Variants in DOP1A observed in about 807,000 individuals in gnomAD.
DOP1A encodes the protein protein DOP1A.
A neutral mutation model predicts 267.6 loss-of-function variants in DOP1A; 90 were observed. The observed-to-expected ratio is 0.34, with a 90% CI of 0.28 to 0.40. The LOEUF is 0.40. DOP1A is among the 10% of genes least tolerant of loss of function. The pLI, the probability that DOP1A is intolerant of heterozygous loss-of-function variation, is 1.00. For missense variants in DOP1A, 2,437 were observed against 2,900.4 expected, an observed-to-expected ratio of 0.84 and a Z score of 3.67; for synonymous variants, 932 against 999.1, an observed-to-expected ratio of 0.93 and a Z score of 1.27.
At chr6:83,162,715 A>C in intron 37 of DOP1A, 75 bp from the exon 38 acceptor site, 1 of 1,480,922 alleles carries the variant, frequency 6.8e-7, no homozygotes, top group Non-Finnish European at 9.1e-7. Context: ...TGATCTTTCT[A>C]CTACATTATG....
chr6:83,102,036 C>T (rs1352275376), intron 4 of DOP1A, among the ~76,000 whole-genome samples: 1 of 152,174 alleles, frequency 6.6e-6, no homozygotes, highest in East Asian at 1.9e-4. Context: ...TGCTGACTCC[C>T]AGCTGGACAT....
intron 3 of DOP1A, 49 bp downstream of exon 3, chr6:83,097,164 GTGTT>G (rs1771647904): frequency 1.3e-6 from 2 of 1,564,894 alleles, no homozygotes; most frequent in Non-Finnish European, 1.7e-6. Context: ...TTAGAAATCT[GTGTT>G]TGTACTTGTT....
At chr6:83,150,753 A>T (rs757281445) in intron 27 of DOP1A, among the ~76,000 whole-genome samples, 1 of 152,212 alleles carries the variant, frequency 6.6e-6, no homozygotes, top group Non-Finnish European at 1.5e-5. Flanking sequence ...ACTATTTTTA[A>T]TGTGTTATGG....
intron 1 of DOP1A, among the ~76,000 whole-genome samples, chr6:83,090,955 G>A (rs895386505): frequency 6.6e-6 from 1 of 152,070 alleles, no homozygotes; most frequent in Admixed American, 6.6e-5. Context: ...TCATGCTGCT[G>A]ATAAAGACAT....
Position 83,109,096 on chromosome 6 carries a change from G to A in DOP1A, c.491+16G>A, listed in dbSNP as rs1031366257. 8 of 1,601,048 alleles carry A rather than the reference G, an allele frequency of 5.0e-6. No individual in the cohort carries two copies. Among genetic ancestry groups the A allele is most frequent in the Non-Finnish European group, 6.8e-6 (8 of 1,176,064 alleles). ...ACTATGAGAGGTAAGATCATATTTG[G>A]TGCAGTTATGTAATTGAAGTCATGG... On this transcript the variant is annotated intron_variant, in intron 5 of 38. Transcript: ENST00000349129.
At position 83,138,239 on chromosome 6, in the gene DOP1A, T is replaced by C. The variant is rs1420293802; in HGVS notation, c.4197T>C (p.Phe1399=). ...KAILKTNPIA[F]VNAISTTSVN... ...TCTTGAAAACTAACCCTATAGCTTT[T>C]GTAAATGCCATTTCAACTACTAGTG... The change falls in exon 21 of 39, where the codon TTT becomes TTC. Residue 1399 remains phenylalanine (F), a synonymous_variant. Coordinates refer to ENST00000349129, the MANE Select transcript of DOP1A (RefSeq NM_015018.4). 3 of 1,613,384 alleles carry C rather than the reference T, an allele frequency of 1.9e-6. No homozygotes were observed. Among genetic ancestry groups the C allele is most frequent in the Non-Finnish European group, 2.5e-6 (3 of 1,179,926 alleles).
intron 1 of DOP1A, 144 bp from the exon 2 acceptor site, chr6:83,096,587 A>ATAT: frequency 2.5e-6 from 1 of 392,498 alleles, no homozygotes; most frequent in Non-Finnish European, 4.5e-6. Flanking sequence ...GGATCAAAAC[A>ATAT]AAGTAGAGGA....
intron 7 of DOP1A, among the ~76,000 whole-genome samples, chr6:83,117,644 T>C (rs542229046): frequency 2.6e-5 from 4 of 152,304 alleles, no homozygotes; most frequent in African/African-American, 7.2e-5. Flanking sequence ...TTATCCACTA[T>C]TGCATGATCA....
intron 24 of DOP1A, among the ~76,000 whole-genome samples, chr6:83,143,965 T>C (rs1780059593): frequency 6.6e-6 from 1 of 152,172 alleles, no homozygotes; most frequent in Non-Finnish European, 1.5e-5. Context: ...AATGAAAGAA[T>C]ACTGGTCACA....
chr6:83,084,993 G>T (rs1326343897), intron 1 of DOP1A, among the ~76,000 whole-genome samples: 2 of 152,112 alleles, frequency 1.3e-5, no homozygotes, highest in Admixed American at 6.6e-5. Flanking sequence ...TTTTTTAAAA[G>T]TGTAACTGGA....
At chr6:83,070,735 TTC>T (rs1312340705) in intron 1 of DOP1A, among the ~76,000 whole-genome samples, 1 of 152,136 alleles carries the variant, frequency 6.6e-6, no homozygotes, top group Non-Finnish European at 1.5e-5. Context: ...ATTTTTTTTT[TTC>T]ATCATTCTTC....
chr6:83,073,841 C>A (rs910431847), intron 1 of DOP1A, among the ~76,000 whole-genome samples: 7 of 152,200 alleles, frequency 4.6e-5, no homozygotes, highest in African/African-American at 1.4e-4. Context: ...GGCCTCTTCA[C>A]AGGTCTGCTT....
At chr6:83,104,268 A>G (rs778026058) in intron 4 of DOP1A, among the ~76,000 whole-genome samples, 2 of 152,126 alleles carry the variant, frequency 1.3e-5, no homozygotes, top group Non-Finnish European at 2.9e-5. Flanking sequence ...TAATAATTTC[A>G]TATCTTTTTT....
chr6:83,108,066 G>A (rs762056818), intron 4 of DOP1A, among the ~76,000 whole-genome samples: 79 of 152,236 alleles, frequency 5.2e-4, no homozygotes, highest in Non-Finnish European at 9.3e-4. Flanking sequence ...GATAGCAGCT[G>A]CTTCTAGGTA....
chr6:83,097,811 A>G (rs759779883), intron 3 of DOP1A, among the ~76,000 whole-genome samples: 1 of 151,758 alleles, frequency 6.6e-6, no homozygotes, highest in Non-Finnish European at 1.5e-5. Context: ...AAGAGGTTAC[A>G]TAGGAAAGGA....
intron 34 of DOP1A, 135 bp from the exon 35 acceptor site, chr6:83,157,047 T>C: frequency 1.3e-6 from 1 of 744,570 alleles, no homozygotes; most frequent in Non-Finnish European, 2.1e-6. Context: ...TTTATGAAAA[T>C]ATCTACAACA....
At chr6:83,155,343 T>C (rs1452356613) in intron 33 of DOP1A, among the ~76,000 whole-genome samples, 1 of 151,284 alleles carries the variant, frequency 6.6e-6, no homozygotes, top group East Asian at 1.9e-4. Context: ...GGTATGTACC[T>C]GTAGTCTCAG....
At position 83,122,930 on chromosome 6, in the gene DOP1A, G is replaced by A. The variant is rs1468093035; in HGVS notation, c.1288G>A (p.Glu430Lys). 2 of 1,576,088 alleles carry A rather than the reference G, an allele frequency of 1.3e-6. No homozygotes were observed. The highest frequency in any genetic ancestry group is 1.2e-5 in the South Asian group (1 of 83,164). The change falls in exon 12 of 39, where the codon GAA becomes AAA. Residue 430 changes from glutamate (E) to lysine (K), a missense_variant. Glu to Lys is a moderately conservative substitution (Grantham distance 56). Coordinates refer to ENST00000349129, the MANE Select transcript of DOP1A (RefSeq NM_015018.4). ...TGCTAACCTTCTCTTTAATTCCTTCGAACCTTATTATATGTGGGATTATGT... is the reference window on the plus strand; with the variant it reads ...TGCTAACCTTCTCTTTAATTCCTTCAAACCTTATTATATGTGGGATTATGT... ...KTANLLFNSF[E>K]PYYMWDYVAR...
At position 83,152,277 on chromosome 6, in the gene DOP1A, C is replaced by T; in HGVS notation, c.6050-11C>T. ...GAATTAGCCATATCTTTAATTTTCT[C>T]TTATTTATAGATATGTTATCACCTG... On this transcript the variant is annotated splice_polypyrimidine_tract_variant and intron_variant, in intron 29 of 38. Coordinates refer to ENST00000349129, the MANE Select transcript of DOP1A (RefSeq NM_015018.4). The T allele has an allele frequency of 6.6e-7, 1 of 1,512,594 alleles. No individual in the cohort carries two copies. Among genetic ancestry groups the T allele is most frequent in the Non-Finnish European group, 9.0e-7 (1 of 1,113,792 alleles). The allele number at this position is 1,512,594 out of a possible 1,614,324, so 93.7% of individuals were successfully genotyped here.
Sources: allele counts gnomAD v4.1 joint callset (sites outside exome capture counted in the v4.1 genomes callset), GRCh38; gene constraint gnomAD v4.1.1; transcripts MANE v1.5; gene names NCBI Gene and HGNC (gene_info 2026-07-23, HGNC 2026-07-21).